The following KDM2B variants were observed in gnomAD, a reference collection of about 807,000 sequenced individuals.
KDM2B encodes the protein lysine-specific demethylase 2B.
Under a neutral mutation model 150.0 loss-of-function variants are expected in KDM2B, and 26 were observed. The ratio of observed to expected loss-of-function variants is 0.17; its 90% CI spans 0.13 to 0.24. The LOEUF (loss-of-function observed/expected upper bound fraction) is 0.24, where lower values mean the gene tolerates loss of function less well. Ranked by LOEUF, KDM2B falls within the 10% of genes least tolerant of loss-of-function variation. The probability of loss-of-function intolerance (pLI) is 1.00; values close to 1 mark genes in which losing one functional copy is unlikely to be tolerated. For missense variants in KDM2B, 1,265 were observed against 1,816.9 expected (o/e 0.70, Z 5.52); for synonymous variants, 734 against 729.5 (o/e 1.01, Z -0.10).
chr12:121,559,993 G>C (rs530983376), intron 4 of KDM2B, among the ~76,000 whole-genome samples: 1 of 152,020 alleles, frequency 6.6e-6, no homozygotes, highest in South Asian at 2.1e-4. Context: ...ATAATTTTAA[G>C]GAGTCACTGT....
intron 8 of KDM2B, among the ~76,000 whole-genome samples, chr12:121,527,666 A>AC (rs1354087472): frequency 1.3e-5 from 2 of 151,684 alleles, no homozygotes; most frequent in East Asian, 3.9e-4. Flanking sequence ...AAAAAAAAAA[A>AC]AAAAAAAAAA....
At chr12:121,552,430 T>C (rs1889573643) in intron 4 of KDM2B, among the ~76,000 whole-genome samples, 3 of 152,112 alleles carry the variant, frequency 2.0e-5, no homozygotes, top group Admixed American at 6.5e-5. Context: ...CCCAGCACTT[T>C]TGGAGGCCGA....
intron 8 of KDM2B, 112 bp downstream of exon 8, chr12:121,532,694 T>C (rs1555308040): frequency 1.8e-6 from 2 of 1,126,516 alleles, no homozygotes; most frequent in African/African-American, 3.1e-5. Flanking sequence ...CCTCGGGGAC[T>C]GCCAATGGCC....
intron 8 of KDM2B, among the ~76,000 whole-genome samples, chr12:121,528,404 C>T (rs782219781): frequency 6.6e-6 from 1 of 151,912 alleles, no homozygotes; most frequent in Non-Finnish European, 1.5e-5. Flanking sequence ...ACTAAAAACA[C>T]AAAAGTTAGC....
chr12:121,445,091 G>T, intron 14 of KDM2B, 184 bp downstream of exon 14: 1 of 621,810 alleles, frequency 1.6e-6, no homozygotes. Flanking sequence ...TGATGACACT[G>T]GGTCTCTGAG....
chr12:121,522,576 G>A (rs1010315404), intron 8 of KDM2B, among the ~76,000 whole-genome samples: 4 of 151,436 alleles, frequency 2.6e-5, no homozygotes, highest in African/African-American at 9.7e-5. Context: ...GGCCAGGCAC[G>A]GTGGCTCATG....
intron 12 of KDM2B, among the ~76,000 whole-genome samples, chr12:121,458,004 G>A (rs1321907060): frequency 6.6e-6 from 1 of 152,128 alleles, no homozygotes; most frequent in Non-Finnish European, 1.5e-5. Flanking sequence ...AAAGACATCC[G>A]TGTTCATGAA....
intron 8 of KDM2B, among the ~76,000 whole-genome samples, chr12:121,527,913 C>T (rs1465587765): frequency 2.6e-5 from 4 of 152,224 alleles, no homozygotes; most frequent in African/African-American, 7.2e-5. Flanking sequence ...AGTATGCTCC[C>T]ATAGGCCAGG....
intron 8 of KDM2B, among the ~76,000 whole-genome samples, chr12:121,527,216 A>AT (rs1359741200): frequency 0.026 from 3,561 of 138,332 alleles, 139 homozygotes; most frequent in African/African-American, 0.087. Flanking sequence ...CGCCCAGATA[A>AT]TTTTTTTTTT....
chr12:121,483,942 A>G (rs1489586035), intron 12 of KDM2B, among the ~76,000 whole-genome samples: 1 of 152,144 alleles, frequency 6.6e-6, no homozygotes, highest in Non-Finnish European at 1.5e-5. Context: ...GCCCAGGGAC[A>G]GTGAAGAGCT....
In KDM2B at chr12:121,578,989, G is replaced by A. The variant is rs782603772; in HGVS notation, c.127-43C>T. 7 of 1,586,390 alleles carry A rather than the reference G, an allele frequency of 4.4e-6. No homozygotes were observed. In the South Asian group the frequency reaches 4.5e-5, roughly 10 times the overall value. ...AGAGAGCCCGGGACATTATTGTGGG[G>A]GCTGGAGGTCGCCTCTCAACCTGGG... is the stretch of plus-strand genomic sequence containing the variant. On this transcript the variant is annotated intron_variant, in intron 1 of 22. Transcript: ENST00000377071.
intron 1 of KDM2B, chr12:121,579,725 C>G: frequency 6.8e-7 from 1 of 1,462,386 alleles, no homozygotes; most frequent in Non-Finnish European, 9.1e-7. Flanking sequence ...GCGCCCGGCC[C>G]CTCAGCCCCC....
Position 121,488,026 on chromosome 12 carries a change from G to A in KDM2B, c.1734+6553C>T, listed in dbSNP as rs529893244. On this transcript the variant is annotated intron_variant, in intron 12 of 22. Coordinates refer to ENST00000377071, the MANE Select transcript of KDM2B (RefSeq NM_032590.5). ...TCGAACTCCTGACCTCAACTGACCCGCCCGCCTCAGCCTCCCAAAGTGCTG... is the reference window on the plus strand; with the variant it reads ...TCGAACTCCTGACCTCAACTGACCCACCCGCCTCAGCCTCCCAAAGTGCTG... Among the ~76,000 whole-genome samples, 9 of 152,000 alleles carry A rather than the reference G, an allele frequency of 5.9e-5. No homozygotes were observed. The South Asian group carries it at 1.5e-3, about 25-fold the overall frequency.
chr12:121,513,470 G>C lies in KDM2B; in HGVS notation c.1048-68C>G, dbSNP rs952039307. The C allele has an allele frequency of 9.7e-6, 15 of 1,553,836 alleles. No homozygotes were observed. Among genetic ancestry groups the C allele is most frequent in the Non-Finnish European group, 1.3e-5 (15 of 1,131,034 alleles). ...GGCGAAGGGGGAAGGAGGGAGAGAA[G>C]TGCGGGGCAGGCTCCCTGCAGGTGA... On this transcript the variant is annotated intron_variant, in intron 9 of 22. Transcript: ENST00000377071. The surrounding 1 kb of genome is among the most constrained non-coding windows in gnomAD (Gnocchi z 5.0).
At chr12:121,540,667 T>C (rs151245900) in intron 6 of KDM2B, among the ~76,000 whole-genome samples, 2 of 144,870 alleles carry the variant, frequency 1.4e-5, no homozygotes, top group East Asian at 4.1e-4. Context: ...GGCAGGAGAA[T>C]CACTGGAACC....
chr12:121,581,032 C>G, upstream of KDM2B: 2 of 1,349,478 alleles, frequency 1.5e-6, no homozygotes, highest in Non-Finnish European at 2.0e-6. Context: ...ACAGGAAATA[C>G]AGCCAGACCA....
At chr12:121,528,618 T>C (rs983722115) in intron 8 of KDM2B, among the ~76,000 whole-genome samples, 4 of 152,044 alleles carry the variant, frequency 2.6e-5, no homozygotes, top group Admixed American at 6.5e-5. Flanking sequence ...CTTCCTTGGA[T>C]GCATAGCTGA....
At chr12:121,541,866 A>G (rs371450843) in intron 6 of KDM2B, among the ~76,000 whole-genome samples, 22 of 152,206 alleles carry the variant, frequency 1.4e-4, no homozygotes, top group African/African-American at 4.8e-4. Context: ...AGACTCACTA[A>G]TCCACTTCTG....
At chr12:121,459,677 A>G (rs993074613) in intron 12 of KDM2B, among the ~76,000 whole-genome samples, 9 of 152,138 alleles carry the variant, frequency 5.9e-5, no homozygotes, top group Non-Finnish European at 1.2e-4. Context: ...CTAAAAATAC[A>G]AAATTAGCCA....
Sources: gnomAD v4.1 joint callset for allele counts (sites outside exome capture counted in the v4.1 genomes callset) on GRCh38, gnomAD v4.1.1 for gene constraint, Gnocchi (gnomAD v3.1) non-coding constraint, MANE v1.5 for transcripts, NCBI Gene and HGNC (gene_info 2026-07-23, HGNC 2026-07-21) for gene names.